TCF7L2: variants seen among roughly 807,000 people sequenced by gnomAD.
The protein encoded by TCF7L2 is transcription factor 7 like 2, also known as transcription factor 7-like 2.
A neutral mutation model predicts 77.9 loss-of-function variants in TCF7L2; 23 were observed. That is an observed-to-expected ratio of 0.30 (90% CI 0.21 to 0.42). TCF7L2 has a LOEUF of 0.42. TCF7L2 is among the 10% of genes least tolerant of loss of function. The probability of loss-of-function intolerance (pLI) is 1.00; values close to 1 mark genes in which losing one functional copy is unlikely to be tolerated. For missense variants in TCF7L2, 654 were observed against 793.1 expected, an observed-to-expected ratio of 0.82 and a Z score of 2.11; for synonymous variants, 413 against 340.2, an observed-to-expected ratio of 1.21 and a Z score of -2.36.
intron 11 of TCF7L2, 54 bp from the exon 12 acceptor site, chr10:113,157,965 ACT>A (rs1319338863): frequency 3.1e-5 from 47 of 1,539,980 alleles, no homozygotes; most frequent in Non-Finnish European, 4.1e-5. Context: ...GCGCCCAGAC[ACT>A]CTTCTCACAT....
At chr10:113,100,060 C>T (rs2061463426) in intron 5 of TCF7L2, among the ~76,000 whole-genome samples, 1 of 152,190 alleles carries the variant, frequency 6.6e-6, no homozygotes, top group African/African-American at 2.4e-5. Flanking sequence ...GTGATAGAGT[C>T]AGGTCATCCG....
intron 5 of TCF7L2, among the ~76,000 whole-genome samples, chr10:113,133,621 T>C (rs1369638509): frequency 6.6e-6 from 1 of 152,224 alleles, no homozygotes; most frequent in East Asian, 1.9e-4. Flanking sequence ...GAAAACTGAC[T>C]GCACGTTTCT....
chr10:113,078,375 A>C (rs1039453067), intron 5 of TCF7L2, among the ~76,000 whole-genome samples: 7 of 152,158 alleles, frequency 4.6e-5, no homozygotes, highest in South Asian at 2.1e-4. Context: ...AATGAATGCA[A>C]TTAGTAACTT....
chr10:112,966,976 C>T (rs1049077275), intron 4 of TCF7L2, among the ~76,000 whole-genome samples: 1 of 152,204 alleles, frequency 6.6e-6, no homozygotes, highest in African/African-American at 2.4e-5. Flanking sequence ...CCCTCAGTCT[C>T]TGCTAGACCC....
intron 5 of TCF7L2, among the ~76,000 whole-genome samples, chr10:113,050,168 A>T (rs369934348): frequency 1.3e-5 from 2 of 152,268 alleles, no homozygotes; most frequent in African/African-American, 4.8e-5. Context: ...CTTCAATGAG[A>T]TGGAGTCACT....
intron 5 of TCF7L2, among the ~76,000 whole-genome samples, chr10:113,114,435 C>T (rs2063487608): frequency 6.6e-6 from 1 of 152,058 alleles, no homozygotes; most frequent in Non-Finnish European, 1.5e-5. Flanking sequence ...GAATACATCC[C>T]TTGATATCTT....
intron 5 of TCF7L2, among the ~76,000 whole-genome samples, chr10:113,073,128 G>A (rs1403762605): frequency 7.0e-6 from 1 of 143,446 alleles, no homozygotes; most frequent in Non-Finnish European, 1.5e-5. Flanking sequence ...GTGTGTGTGT[G>A]TGAGAGAGAG....
At position 113,167,537 on chromosome 10, in the gene TCF7L2, ACTGTT is replaced by A; in HGVS notation, c.*1567_*1571del. 1 of 214,872 alleles carries A rather than the reference ACTGTT, an allele frequency of 4.7e-6. No homozygotes were observed. The highest frequency in any genetic ancestry group is 9.4e-6 in the Non-Finnish European group (1 of 106,534). The allele number at this position is 214,872 out of a possible 1,614,324, so 13.3% of individuals were successfully genotyped here. ...AATGTTTCCTAACAGTTGTGATGTT[ACTGTT>A]CCGTTTTATGCTCTTATTCCAAGTT... On this transcript the variant is annotated 3_prime_UTR_variant, in exon 14 of 14. Transcript: ENST00000627217.
At chr10:113,150,239 T>C (rs1482276132) in intron 8 of TCF7L2, among the ~76,000 whole-genome samples, 2 of 152,112 alleles carry the variant, frequency 1.3e-5, no homozygotes, top group South Asian at 2.1e-4. Flanking sequence ...AAAAGTGATA[T>C]AGGAATCCTA....
chr10:112,952,116 C>A (rs954476383), intron 3 of TCF7L2, among the ~76,000 whole-genome samples: 3 of 152,174 alleles, frequency 2.0e-5, no homozygotes, highest in Admixed American at 2.0e-4. Context: ...GTGCTGCGCC[C>A]GATGCGCGGG....
intron 4 of TCF7L2, among the ~76,000 whole-genome samples, chr10:112,980,326 G>A (rs1414392807): frequency 6.6e-6 from 1 of 152,194 alleles, no homozygotes; most frequent in Non-Finnish European, 1.5e-5. Flanking sequence ...TAATAGCAAA[G>A]CTGAAATCTT....
In TCF7L2 at chr10:112,950,748, GAA is replaced by G. The variant is rs373426839; in HGVS notation, c.-1_1del. 2.6e-6 allele frequency: 4 copies of G among 1,534,060 alleles called. No homozygotes were observed. The highest frequency in any genetic ancestry group is 2.4e-5 in the East Asian group (1 of 41,766). On this transcript the variant is annotated 5_prime_UTR_variant, in exon 1 of 14. Coordinates refer to ENST00000627217, the MANE Select transcript of TCF7L2 (RefSeq NM_001146274.2). ...TCTTCCAAAATTGCTGCTGGTGGGT[GAA>G]AAAAAAATGCCGCAGCTGAACGGCG...
intron 5 of TCF7L2, among the ~76,000 whole-genome samples, chr10:113,136,296 G>A (rs1027208047): frequency 6.6e-6 from 1 of 152,136 alleles, no homozygotes; most frequent in Non-Finnish European, 1.5e-5. Context: ...AGTGCTTCAG[G>A]GGTAGCAGCT....
In TCF7L2 at chr10:113,158,860, A is replaced by C. The variant is rs1462899239; in HGVS notation, c.1318+791A>C. The stretch of plus-strand genomic sequence containing the variant: ...CCATCAACACGGTTTCGTATGTTTC[A>C]GTAGATTTTTTTTTTCAGTTGCTTC... On this transcript the variant is annotated intron_variant, in intron 12 of 13. Transcript: ENST00000627217. 3 of 772,858 alleles carry C rather than the reference A, an allele frequency of 3.9e-6. No homozygotes were observed. In the African/African-American group the frequency reaches 5.5e-5, roughly 14 times the overall value. 47.9% of individuals were successfully genotyped at this position (772,858 alleles called of 1,614,324 possible). A position where few individuals can be genotyped will look rare whatever the true frequency, so the allele number is the denominator to read the frequency against.
chr10:112,951,689 G>GCCCCCTCCCCGCCT lies in TCF7L2; in HGVS notation c.381+99_381+112dup, dbSNP rs1257711679. The GCCCCCTCCCCGCCT allele has an allele frequency of 2.5e-5, 19 of 766,310 alleles. No homozygotes were observed. In the South Asian group the frequency reaches 3.0e-4, roughly 12 times the overall value. The allele number at this position is 766,310 out of a possible 1,614,324, so 47.5% of individuals were successfully genotyped here. ...GGGCCCCGCATGCGGCCCCTGCCCT[G>GCCCCCTCCCCGCCT]CCCCCTCCCCGCCTCCCCCTCCCCG... On this transcript the variant is annotated intron_variant, in intron 3 of 13. Coordinates refer to ENST00000627217, the MANE Select transcript of TCF7L2 (RefSeq NM_001146274.2).
At chr10:112,981,867 C>T (rs1339306885) in intron 4 of TCF7L2, among the ~76,000 whole-genome samples, 1 of 152,148 alleles carries the variant, frequency 6.6e-6, no homozygotes, top group Non-Finnish European at 1.5e-5. Context: ...ACCAAAGTGA[C>T]CAGGACTCCT....
chr10:112,990,980 C>T (rs1050250804), intron 4 of TCF7L2, among the ~76,000 whole-genome samples: 1 of 152,252 alleles, frequency 6.6e-6, no homozygotes, highest in South Asian at 2.1e-4. Flanking sequence ...TCAGGACTGC[C>T]TCTCTCCCTG....
chr10:113,159,345 C>T (rs371782611), intron 12 of TCF7L2, among the ~76,000 whole-genome samples: 2 of 152,174 alleles, frequency 1.3e-5, no homozygotes, highest in South Asian at 2.1e-4. Flanking sequence ...AAAAGACGAA[C>T]GTTCCAAAAG....
intron 4 of TCF7L2, among the ~76,000 whole-genome samples, chr10:113,010,620 G>A (rs2046301421): frequency 6.6e-6 from 1 of 152,192 alleles, no homozygotes; most frequent in Admixed American, 6.5e-5. Flanking sequence ...AGGACACCAA[G>A]GTCATTATTA....
Sources: allele counts gnomAD v4.1 joint callset (sites outside exome capture counted in the v4.1 genomes callset), GRCh38; gene constraint gnomAD v4.1.1; transcripts MANE v1.5; gene names NCBI Gene and HGNC (gene_info 2026-07-23, HGNC 2026-07-21).